The following SLC35F1 variants were observed in gnomAD, a reference collection of about 807,000 sequenced individuals.
SLC35F1 encodes chromosome 6 open reading frame 169.
SLC35F1 carries 14 observed loss-of-function variants against 48.7 expected under a neutral mutation model. The observed-to-expected ratio is 0.29, with a 90% CI of 0.19 to 0.45. SLC35F1 has a LOEUF of 0.45. SLC35F1 is among the 20% of genes least tolerant of loss of function. The pLI, the probability that SLC35F1 is intolerant of heterozygous loss-of-function variation, is 1.00. For synonymous variants in SLC35F1, 190 were observed against 202.2 expected, an observed-to-expected ratio of 0.94 and a Z score of 0.51; for missense variants, 404 against 500.0, an observed-to-expected ratio of 0.81 and a Z score of 1.83.
In SLC35F1 at chr6:118,297,628, A is replaced by ATATATATAT. The variant is rs1554245916; in HGVS notation, c.1002+12291_1002+12299dup. Among the ~76,000 whole-genome samples the ATATATATAT allele has an allele frequency of 2.0e-4, 9 of 44,654 alleles. No homozygotes were observed. The South Asian group carries it at 2.4e-3, about 12-fold the overall frequency. The allele number at this position is 44,654 out of a possible 152,430, so 29.3% of individuals were successfully genotyped here. A position where few individuals can be genotyped will look rare whatever the true frequency, so the allele number is the denominator to read the frequency against. ...TGCATTTTTTTCTCAGAACTTATAT[A>ATATATATAT]TATATATATAAAAAATATATATATA... is the stretch of plus-strand genomic sequence containing the variant. On this transcript the variant is annotated intron_variant, in intron 7 of 7. Coordinates refer to ENST00000360388, the MANE Select transcript of SLC35F1 (RefSeq NM_001029858.4).
At chr6:117,915,972 C>G (rs892471073) in intron 1 of SLC35F1, among the ~76,000 whole-genome samples, 46 of 152,194 alleles carry the variant, frequency 3.0e-4, no homozygotes, top group African/African-American at 1.1e-3. Flanking sequence ...CAGTGCCTGT[C>G]AAATAATGGG....
rs1775969946 is a variant in SLC35F1, at chr6:117,923,763, G to GTATATATACATATATGTACATATGTA, written c.173+15864_173+15865insTATATATACATATATGTACATATGTA. 2.2e-4 allele frequency among the ~76,000 whole-genome samples: 4 copies of GTATATATACATATATGTACATATGTA among 18,080 alleles called. 1 individual carries two copies. The highest frequency in any genetic ancestry group is 5.9e-4 in the Admixed American group (1 of 1,682). 11.9% of individuals were successfully genotyped at this position (18,080 alleles called of 152,430 possible). A position where few individuals can be genotyped will look rare whatever the true frequency, so the allele number is the denominator to read the frequency against. ...TACATATATGTACATATATACATAT[G>GTATATATACATATATGTACATATGTA]CACATACATATGTATATATACATAT... On this transcript the variant is annotated intron_variant, in intron 1 of 7. Transcript: ENST00000360388.
At chr6:118,000,840 C>T (rs1001635346) in intron 1 of SLC35F1, among the ~76,000 whole-genome samples, 3 of 152,226 alleles carry the variant, frequency 2.0e-5, no homozygotes, top group African/African-American at 4.8e-5. Context: ...GAGTGAACTC[C>T]CATTCACAAT....
rs373225790 is a variant in SLC35F1 at position 118,268,049 on chromosome 6, GTTTCTC to G, written c.637+899_637+904del. 4.2e-3 allele frequency among the ~76,000 whole-genome samples: 640 copies of G among 152,232 alleles called. 2 individuals are homozygous for G. The highest frequency in any genetic ancestry group is 0.014 in the African/African-American group (600 of 41,542). ...GATGATAAAGAGTCAAAAGTGGACC[GTTTCTC>G]TTTATGAGACAAGGTCACGTTAAGT... On this transcript the variant is annotated intron_variant, in intron 4 of 7. Coordinates refer to ENST00000360388, the MANE Select transcript of SLC35F1 (RefSeq NM_001029858.4).
At chr6:118,229,056 G>C (rs1423122477) in intron 2 of SLC35F1, among the ~76,000 whole-genome samples, 1 of 151,682 alleles carries the variant, frequency 6.6e-6, no homozygotes, top group Non-Finnish European at 1.5e-5. Flanking sequence ...AGGCTCTTCT[G>C]TTTTCCAGTC....
chr6:118,052,860 T>C (rs1305901987), intron 1 of SLC35F1, among the ~76,000 whole-genome samples: 1 of 152,178 alleles, frequency 6.6e-6, no homozygotes, highest in Non-Finnish European at 1.5e-5. Flanking sequence ...TCTTTCCCTA[T>C]TGTGTAATTG....
At position 118,036,485 on chromosome 6, in the gene SLC35F1, G is replaced by A. The variant is rs140629198; in HGVS notation, c.174-117960G>A. Among the ~76,000 whole-genome samples the A allele has an allele frequency of 1.8e-3, 277 of 152,232 alleles. 1 individual carries two copies. Among genetic ancestry groups the A allele is most frequent in the Middle Eastern group, 3.4e-3 (1 of 294 alleles). ...TGAAAAAAGGGAATATTCTGCAGTCGTAAGATGTAGTATTCTATAAATGTC... is the reference window on the plus strand; with the variant it reads ...TGAAAAAAGGGAATATTCTGCAGTCATAAGATGTAGTATTCTATAAATGTC... On this transcript the variant is annotated intron_variant, in intron 1 of 7. Coordinates refer to ENST00000360388, the MANE Select transcript of SLC35F1 (RefSeq NM_001029858.4).
intron 3 of SLC35F1, among the ~76,000 whole-genome samples, chr6:118,249,760 C>G (rs1039091486): frequency 4.6e-5 from 7 of 152,130 alleles, no homozygotes; most frequent in Admixed American, 3.3e-4. Flanking sequence ...CCTTTCTTCC[C>G]TCTTGTTTAT....
intron 7 of SLC35F1, among the ~76,000 whole-genome samples, chr6:118,286,805 T>TGTTTG (rs1562351393): frequency 7.4e-4 from 107 of 144,100 alleles, no homozygotes; most frequent in African/African-American, 2.0e-3. Context: ...GTGTGTGTGT[T>TGTTTG]TGTGTGTGTG....
chr6:117,927,036 C>T (rs1245008137), intron 1 of SLC35F1, among the ~76,000 whole-genome samples: 1 of 152,136 alleles, frequency 6.6e-6, no homozygotes, highest in Non-Finnish European at 1.5e-5. Flanking sequence ...GTGTACCAAC[C>T]TCGTGACCTC....
chr6:117,929,645 T>C (rs1776075481), intron 1 of SLC35F1, among the ~76,000 whole-genome samples: 1 of 152,070 alleles, frequency 6.6e-6, no homozygotes. Context: ...AATTTCTTCT[T>C]CTCTGGAAAA....
At position 118,314,123 on chromosome 6, in the gene SLC35F1, G is replaced by A. The variant is rs200512376; in HGVS notation, c.1098G>A (p.Val366=). 45 of 1,614,204 alleles carry A rather than the reference G, an allele frequency of 2.8e-5. No homozygotes were observed. In the African/African-American group the frequency reaches 5.3e-4, roughly 19 times the overall value. ...CCTACATAGCCCAGGACCCCCGAGT[G>A]TATAAGCAGTTCCGCAATCCTTCAG... ...TSTYIAQDPR[V]YKQFRNPSGP... Residue 366 remains valine, a synonymous_variant, in exon 8 of 8, where the codon GTG becomes GTA. Transcript: ENST00000360388.
rs181727308 is a variant in SLC35F1, at chr6:118,239,452, G to A, written c.477+3816G>A. Among the ~76,000 whole-genome samples the A allele has an allele frequency of 1.3e-3, 199 of 151,048 alleles. 1 individual carries two copies. The highest frequency in any genetic ancestry group is 2.5e-3 in the Non-Finnish European group (168 of 67,904). On this transcript the variant is annotated intron_variant, in intron 3 of 7. Coordinates refer to ENST00000360388, the MANE Select transcript of SLC35F1 (RefSeq NM_001029858.4). ...GTCAAAATGTATTAATGGACCTAAG[G>A]GGGAAATGAGGAGTGACTTTCCTGT... is the stretch of plus-strand genomic sequence containing the variant.
chr6:118,014,805 A>AACAAGC (rs1227546006), intron 1 of SLC35F1, among the ~76,000 whole-genome samples: 2 of 152,190 alleles, frequency 1.3e-5, no homozygotes, highest in Non-Finnish European at 2.9e-5. Flanking sequence ...ACAGACTAAG[A>AACAAGC]ACAAGCCGGA....
chr6:118,235,483 C>A, intron 2 of SLC35F1, 26 bp from the exon 3 acceptor site: 1 of 1,605,388 alleles, frequency 6.2e-7, no homozygotes, highest in South Asian at 1.1e-5. Context: ...GAACCTAACC[C>A]ATTTCTTCTT....
intron 1 of SLC35F1, among the ~76,000 whole-genome samples, chr6:117,987,399 C>G (rs1776862129): frequency 6.7e-6 from 1 of 149,224 alleles, no homozygotes; most frequent in African/African-American, 2.5e-5. Flanking sequence ...CTTCCTCCTT[C>G]TCTCCTTCTC....
At chr6:118,294,114 G>A (rs450093) in intron 7 of SLC35F1, among the ~76,000 whole-genome samples, 100,483 of 152,102 alleles carry the variant, frequency 0.66, 33,775 homozygotes, top group Middle Eastern at 0.76. Context: ...ATGTTTCAGG[G>A]TTAGTAATTC....
intron 1 of SLC35F1, among the ~76,000 whole-genome samples, chr6:118,095,628 C>T (rs933191608): frequency 3.9e-5 from 6 of 152,220 alleles, no homozygotes; most frequent in East Asian, 3.9e-4. Context: ...CTAAAGTGAG[C>T]ACTGAAATTT....
chr6:118,196,917 A>C (rs1774810009), intron 2 of SLC35F1, among the ~76,000 whole-genome samples: 1 of 151,900 alleles, frequency 6.6e-6, no homozygotes. Flanking sequence ...GTGAACAGCC[A>C]ATTTTCCCAA....
Sources: allele counts gnomAD v4.1 joint callset (sites outside exome capture counted in the v4.1 genomes callset), GRCh38; gene constraint gnomAD v4.1.1; transcripts MANE v1.5; gene names NCBI Gene and HGNC (gene_info 2026-07-23, HGNC 2026-07-21).